EFNA5: variants seen among roughly 807,000 people sequenced by gnomAD.
EFNA5 encodes the protein ephrin A5.
A neutral mutation model predicts 22.9 loss-of-function variants in EFNA5; 5 were observed. That is an observed-to-expected ratio of 0.22 (90% confidence interval 0.11 to 0.46). The LOEUF is 0.46. EFNA5 is among the 20% of genes least tolerant of loss of function. The probability of loss-of-function intolerance (pLI) is 0.99; values close to 1 mark genes in which losing one functional copy is unlikely to be tolerated. For missense variants in EFNA5, 237 were observed against 293.3 expected (o/e 0.81, Z 1.40); for synonymous variants, 113 against 112.2 (o/e 1.01, Z -0.04).
At chr5:107,440,682 C>T (rs953237978) in intron 1 of EFNA5, among the ~76,000 whole-genome samples, 10 of 152,148 alleles carry the variant, frequency 6.6e-5, no homozygotes, top group Non-Finnish European at 1.2e-4. Flanking sequence ...TACACATTAA[C>T]ATTTTATTGC....
At chr5:107,503,473 C>T (rs545725508) in intron 1 of EFNA5, among the ~76,000 whole-genome samples, 8 of 152,288 alleles carry the variant, frequency 5.3e-5, no homozygotes, top group Admixed American at 3.9e-4. Context: ...CAGAATTCCT[C>T]GCTGTTTTCA....
intron 1 of EFNA5, among the ~76,000 whole-genome samples, chr5:107,493,212 TG>T (rs60732101): frequency 6.6e-6 from 1 of 151,854 alleles, no homozygotes; most frequent in South Asian, 2.1e-4. Flanking sequence ...TTTTGTTTTT[TG>T]TTTTTTTTTT....
Position 107,620,963 on chromosome 5 carries a change from T to C in EFNA5, c.125+49526A>G, listed in dbSNP as rs894075653. ...ATTTGGATCATCACGTGTAAGAGAG[T>C]GAGAAAGAATGGAACATTAGGGAAG... On this transcript the variant is annotated intron_variant, in intron 1 of 4. Coordinates refer to ENST00000333274, the MANE Select transcript of EFNA5 (RefSeq NM_001962.3). 2.0e-5 allele frequency among the ~76,000 whole-genome samples: 3 copies of C among 150,932 alleles called. No homozygotes were observed. The South Asian group carries it at 6.3e-4, about 32-fold the overall frequency.
At chr5:107,438,047 A>G (rs903363557) in intron 1 of EFNA5, among the ~76,000 whole-genome samples, 1 of 152,218 alleles carries the variant, frequency 6.6e-6, no homozygotes, top group African/African-American at 2.4e-5. Context: ...TAATTGTTAG[A>G]TTATGATAAT....
At chr5:107,649,967 C>A (rs1561460094) in intron 1 of EFNA5, among the ~76,000 whole-genome samples, 1 of 152,080 alleles carries the variant, frequency 6.6e-6, no homozygotes, top group Non-Finnish European at 1.5e-5. Flanking sequence ...CAGAACCAAC[C>A]CACCTCAAGT....
chr5:107,430,263 T>A (rs1331884451), intron 1 of EFNA5, among the ~76,000 whole-genome samples: 5 of 152,156 alleles, frequency 3.3e-5, no homozygotes, highest in African/African-American at 1.2e-4. Flanking sequence ...GGTGCTGGGA[T>A]ATGAAGCATC....
chr5:107,600,068 A>G (rs1489164963), intron 1 of EFNA5, among the ~76,000 whole-genome samples: 2 of 152,242 alleles, frequency 1.3e-5, no homozygotes, highest in Non-Finnish European at 1.5e-5. Context: ...CCTGGATGCT[A>G]AAGTTCCCCT....
At chr5:107,483,008 A>G (rs982161041) in intron 1 of EFNA5, among the ~76,000 whole-genome samples, 1 of 152,044 alleles carries the variant, frequency 6.6e-6, no homozygotes, top group Admixed American at 6.6e-5. Context: ...AATGTTTCAT[A>G]TCTCATGAAC....
In EFNA5 at chr5:107,377,768, A is replaced by G. The variant is rs559066790; in HGVS notation, c.*3487T>C. On this transcript the variant is annotated 3_prime_UTR_variant, in exon 5 of 5. Coordinates refer to ENST00000333274, the MANE Select transcript of EFNA5 (RefSeq NM_001962.3). ...TAAAACAGTCCATGAAAACAATCACAAACAGAAAACCAAACCAAACCAAAG... is the reference window on the plus strand; with the variant it reads ...TAAAACAGTCCATGAAAACAATCACGAACAGAAAACCAAACCAAACCAAAG... The G allele has an allele frequency of 5.9e-5, 9 of 152,396 alleles. No homozygotes were observed. In the East Asian group the frequency reaches 1.7e-3, roughly 29 times the overall value. The allele number at this position is 152,396 out of a possible 1,614,324, so 9.4% of individuals were successfully genotyped here.
intron 1 of EFNA5, among the ~76,000 whole-genome samples, chr5:107,427,932 G>A (rs1044416312): frequency 2.6e-5 from 4 of 152,086 alleles, no homozygotes; most frequent in African/African-American, 9.6e-5. Context: ...AATGAATGAG[G>A]AAATTAAAGA....
At chr5:107,670,418 C>T in intron 1 of EFNA5, 71 bp downstream of exon 1, 1 of 1,479,646 alleles carries the variant, frequency 6.8e-7, no homozygotes, top group South Asian at 1.3e-5. Flanking sequence ...GCGCGCCGAT[C>T]CCCGCCGCCG....
chr5:107,531,165 A>C (rs1747802806), intron 1 of EFNA5, among the ~76,000 whole-genome samples: 1 of 152,190 alleles, frequency 6.6e-6, no homozygotes, highest in Non-Finnish European at 1.5e-5. Context: ...CCTAAAGTTC[A>C]TGTGAATTAA....
chr5:107,584,915 C>A (rs1216279492), intron 1 of EFNA5, among the ~76,000 whole-genome samples: 1 of 152,134 alleles, frequency 6.6e-6, no homozygotes, highest in Non-Finnish European at 1.5e-5. Flanking sequence ...TGATGGTGGA[C>A]AAGGTAATCA....
intron 1 of EFNA5, among the ~76,000 whole-genome samples, chr5:107,572,950 C>T (rs1260786818): frequency 6.6e-6 from 1 of 152,128 alleles, no homozygotes; most frequent in Non-Finnish European, 1.5e-5. Flanking sequence ...GTGTGTTAAG[C>T]TCATTCCCAT....
At chr5:107,530,047 A>G (rs140016141) in intron 1 of EFNA5, among the ~76,000 whole-genome samples, 1 of 152,240 alleles carries the variant, frequency 6.6e-6, no homozygotes, top group African/African-American at 2.4e-5. Flanking sequence ...TATCTTACCC[A>G]TGCTCTAGCT....
chr5:107,530,432 T>C lies in EFNA5; in HGVS notation c.126-102923A>G, dbSNP rs766349120. Among the ~76,000 whole-genome samples, 24 of 152,246 alleles carry C rather than the reference T, an allele frequency of 1.6e-4. No individual in the cohort carries two copies. The Middle Eastern group carries it at 0.014, about 86-fold the overall frequency. On this transcript the variant is annotated intron_variant, in intron 1 of 4. Coordinates refer to ENST00000333274, the MANE Select transcript of EFNA5 (RefSeq NM_001962.3). ...GTAATTCAACTATACACCTGGCAGG[T>C]AAGAGAAACAAAACCTCTGTAAAAA... is the stretch of plus-strand genomic sequence containing the variant.
chr5:107,381,534 T>C (rs1207282075), intron 4 of EFNA5, among the ~76,000 whole-genome samples, 158 bp from the exon 5 acceptor site: 1 of 152,212 alleles, frequency 6.6e-6, no homozygotes, highest in Non-Finnish European at 1.5e-5. Flanking sequence ...ACTCATTATT[T>C]ACAGCAAACA....
chr5:107,521,901 T>C (rs1026582714), intron 1 of EFNA5, among the ~76,000 whole-genome samples: 2 of 152,138 alleles, frequency 1.3e-5, no homozygotes, highest in Admixed American at 1.3e-4. Flanking sequence ...TCAGTGATCA[T>C]TGCACACTAC....
intron 1 of EFNA5, among the ~76,000 whole-genome samples, chr5:107,460,192 G>C (rs1261539121): frequency 6.6e-6 from 1 of 152,102 alleles, no homozygotes; most frequent in Non-Finnish European, 1.5e-5. Flanking sequence ...CAGAACATAT[G>C]TAAAGGCTTG....
Sources: gnomAD v4.1 joint callset for allele counts (sites outside exome capture counted in the v4.1 genomes callset) on GRCh38, gnomAD v4.1.1 for gene constraint, MANE v1.5 for transcripts, NCBI Gene and HGNC (gene_info 2026-07-23, HGNC 2026-07-21) for gene names.